Variants in ALG9 observed in about 807,000 individuals in gnomAD.
The protein encoded by ALG9 is ALG9 alpha-1,2-mannosyltransferase.
In ALG9, 55 loss-of-function variants were observed where a neutral mutation model predicts 81.8. The ratio of observed to expected loss-of-function variants is 0.67; its 90% CI spans 0.54 to 0.84. The LOEUF is 0.84. Ranked by LOEUF, ALG9 falls within the 40% of genes least tolerant of loss-of-function variation. The pLI is 0.00. For synonymous variants in ALG9, 278 were observed against 274.3 expected, an observed-to-expected ratio of 1.01 and a Z score of -0.13; for missense variants, 629 against 745.0, an observed-to-expected ratio of 0.84 and a Z score of 1.81.
intron 8 of ALG9, among the ~76,000 whole-genome samples, chr11:111,845,019 T>C (rs552081183): frequency 6.6e-6 from 1 of 152,370 alleles, no homozygotes; most frequent in East Asian, 1.9e-4. Flanking sequence ...ATGGAACTAA[T>C]ACTTTTGAGA....
At chr11:111,812,915 CAAAAAAA>C (rs57311061) in intron 13 of ALG9, among the ~76,000 whole-genome samples, 65 of 98,746 alleles carry the variant, frequency 6.6e-4, no homozygotes, top group East Asian at 1.2e-3. Flanking sequence ...GACTCTGTCT[CAAAAAAA>C]AAAAAAAAAA....
chr11:111,786,630 T>C, intron 14 of ALG9, 110 bp from the exon 15 acceptor site: 1 of 1,256,378 alleles, frequency 8.0e-7, no homozygotes, highest in Non-Finnish European at 1.1e-6. Flanking sequence ...TTATATTTTA[T>C]TCAAGTGGCA....
intron 13 of ALG9, among the ~76,000 whole-genome samples, chr11:111,810,589 CTT>C (rs1950561391): frequency 6.6e-6 from 1 of 152,086 alleles, no homozygotes; most frequent in Admixed American, 6.6e-5. Flanking sequence ...AACCCCATCT[CTT>C]TAAAAAATAC....
At chr11:111,843,969 C>A (rs1317213269) in intron 9 of ALG9, among the ~76,000 whole-genome samples, 1 of 152,154 alleles carries the variant, frequency 6.6e-6, no homozygotes, top group Non-Finnish European at 1.5e-5. Flanking sequence ...ATATACACTT[C>A]TTTAAAAGAT....
Position 111,793,509 on chromosome 11 carries a change from C to T in ALG9, c.1734-6989G>A, listed in dbSNP as rs376517409. 6.6e-5 allele frequency among the ~76,000 whole-genome samples: 10 copies of T among 152,154 alleles called. No individual in the cohort carries two copies. In the East Asian group the frequency reaches 1.7e-3, roughly 26 times the overall value. ...AGGCATGGTGGCTCACGCCTGTAAT[C>T]CCAGCACTTTGGGAGGCCGAGGCGG... On this transcript the variant is annotated intron_variant, in intron 14 of 14. Transcript: ENST00000616540.
At position 111,789,122 on chromosome 11, in the gene ALG9, C is replaced by T. The variant is rs549132258; in HGVS notation, c.1734-2602G>A. ...TCTCCCAAACTGTTGGGATTACAGG[C>T]GCAAGCGACCTCGCCTGTCCCAGGT... On this transcript the variant is annotated intron_variant, in intron 14 of 14. Coordinates refer to ENST00000616540, the MANE Select transcript of ALG9 (RefSeq NM_024740.2). 1.1e-4 allele frequency among the ~76,000 whole-genome samples: 17 copies of T among 151,862 alleles called. No individual in the cohort carries two copies. In the East Asian group the frequency reaches 2.9e-3, roughly 26 times the overall value.
rs1317801470 is a variant in ALG9, at chr11:111,860,566, G to T, written c.546C>A (p.Gly182=). 2 of 1,613,946 alleles carry T rather than the reference G, an allele frequency of 1.2e-6. No individual in the cohort carries two copies. Among genetic ancestry groups the T allele is most frequent in the Admixed American group, 3.3e-5 (2 of 60,000 alleles). The change falls in exon 5 of 15, where the codon GGC becomes GGA. Residue 182 remains glycine, a synonymous_variant. Coordinates refer to ENST00000616540, the MANE Select transcript of ALG9 (RefSeq NM_024740.2). ...MMLAFLVLST[G]MFCSSSAFLP... The stretch of plus-strand genomic sequence containing the variant: ...ACTTACCTGATGATGAGCAAAACAT[G>T]CCAGTGCTGAGAACCAAGAAGGCTA...
At chr11:111,870,558 A>T (rs1379142729) in intron 1 of ALG9, among the ~76,000 whole-genome samples, 188 bp from the exon 2 acceptor site, 1 of 152,066 alleles carries the variant, frequency 6.6e-6, no homozygotes, top group African/African-American at 2.4e-5. Flanking sequence ...CAGATTTTTA[A>T]GAAAAAATTT....
chr11:111,777,239 A>G (rs1945730683), downstream of ALG9, among the ~76,000 whole-genome samples: 1 of 152,230 alleles, frequency 6.6e-6, no homozygotes, highest in African/African-American at 2.4e-5. Flanking sequence ...ATCCTCGACC[A>G]GTAGGGAGTC....
At position 111,871,543 on chromosome 11, in the gene ALG9, C is replaced by T. The variant is rs1555159279; in HGVS notation, c.-61G>A. The T allele has an allele frequency of 4.6e-6, 7 of 1,533,892 alleles. No homozygotes were observed. The African/African-American group carries it at 9.6e-5, about 21-fold the overall frequency. On this transcript the variant is annotated 5_prime_UTR_variant, in exon 1 of 15. Coordinates refer to ENST00000616540, the MANE Select transcript of ALG9 (RefSeq NM_024740.2). ...GAAGTCGGTGAGCGCGCAGACATAG[C>T]TTTGGCTGGCAAACGGTGTCCGCCG...
intron 6 of ALG9, among the ~76,000 whole-genome samples, chr11:111,856,777 G>A (rs557021641): frequency 1.3e-5 from 2 of 152,004 alleles, no homozygotes; most frequent in Non-Finnish European, 1.5e-5. Flanking sequence ...AGTATACAAG[G>A]AGCTTGGTGG....
chr11:111,859,634 A>G (rs1240708399), intron 5 of ALG9, among the ~76,000 whole-genome samples: 2 of 152,202 alleles, frequency 1.3e-5, no homozygotes, highest in African/African-American at 4.8e-5. Flanking sequence ...TTCCAGCTGC[A>G]GTGTAGAGGA....
At chr11:111,816,061 G>A (rs891607302) in intron 13 of ALG9, among the ~76,000 whole-genome samples, 1 of 152,116 alleles carries the variant, frequency 6.6e-6, no homozygotes, top group Non-Finnish European at 1.5e-5. Flanking sequence ...AAATCTTCTT[G>A]GTTTTAGGTT....
chr11:111,834,362 G>C (rs1214079976), intron 13 of ALG9, among the ~76,000 whole-genome samples: 1 of 152,100 alleles, frequency 6.6e-6, no homozygotes, highest in East Asian at 1.9e-4. Flanking sequence ...AAAATTACAA[G>C]GATGGGAAAC....
At chr11:111,773,378 G>A in the ALG9 span, among the ~76,000 whole-genome samples, 1 of 152,152 alleles carries the variant, frequency 6.6e-6, no homozygotes, top group Non-Finnish European at 1.5e-5. Context: ...CCAAGTAGCT[G>A]GGACTACAGG....
chr11:111,833,536 T>C (rs1466157977), intron 13 of ALG9, among the ~76,000 whole-genome samples: 1 of 152,190 alleles, frequency 6.6e-6, no homozygotes, highest in Non-Finnish European at 1.5e-5. Context: ...TCATACAACT[T>C]TCCTCGTTTC....
intron 13 of ALG9, among the ~76,000 whole-genome samples, chr11:111,812,615 CT>C (rs1950888351): frequency 6.6e-6 from 1 of 151,972 alleles, no homozygotes; most frequent in Non-Finnish European, 1.5e-5. Context: ...TACTGTAAAG[CT>C]ATAGAAATTA....
intron 14 of ALG9, among the ~76,000 whole-genome samples, chr11:111,803,516 A>T (rs1310052433): frequency 5.3e-5 from 8 of 151,912 alleles, no homozygotes; most frequent in Admixed American, 2.6e-4. Flanking sequence ...AAAAAAAAAA[A>T]AAAGAACAAA....
In ALG9 at chr11:111,868,599, T is replaced by G. The variant is rs1566291111; in HGVS notation, c.405+3A>C. On this transcript the variant is annotated splice_donor_region_variant and intron_variant, in intron 3 of 14. Coordinates refer to ENST00000616540, the MANE Select transcript of ALG9 (RefSeq NM_024740.2). ...GATTGCTTCCAGGTTGGTCTGCCCT[T>G]ACCTTATTAGTTTGTAGAATTCTTG... 1.2e-6 allele frequency: 2 copies of G among 1,613,910 alleles called. No individual in the cohort carries two copies. Among genetic ancestry groups the G allele is most frequent in the Admixed American group, 3.3e-5 (2 of 60,012 alleles).
Sources: gnomAD v4.1 joint callset for allele counts (sites outside exome capture counted in the v4.1 genomes callset) on GRCh38, gnomAD v4.1.1 for gene constraint, MANE v1.5 for transcripts, NCBI Gene and HGNC (gene_info 2026-07-23, HGNC 2026-07-21) for gene names.